Variants in NALCN observed in about 807,000 individuals in gnomAD.
NALCN encodes sodium leak channel, non-selective.
Under a neutral mutation model 225.3 loss-of-function variants are expected in NALCN, and 111 were observed. That is an observed-to-expected ratio of 0.49 (90% CI 0.42 to 0.58). NALCN has a LOEUF of 0.58. NALCN is among the 20% of genes least tolerant of loss of function. The pLI, the probability that NALCN is intolerant of heterozygous loss-of-function variation, is 0.00. For missense variants in NALCN, 1,378 were observed against 2,202.4 expected (o/e 0.63, Z 7.49); for synonymous variants, 764 against 769.0 (o/e 0.99, Z 0.11).
chr13:101,197,174 T>C (rs1594414283), intron 13 of NALCN, among the ~76,000 whole-genome samples: 4 of 152,250 alleles, frequency 2.6e-5, no homozygotes, highest in Admixed American at 6.5e-5. Flanking sequence ...ACTTCACAGA[T>C]TGGGGAATTT....
intron 14 of NALCN, among the ~76,000 whole-genome samples, chr13:101,181,827 T>C (rs1223745242): frequency 6.6e-6 from 1 of 151,990 alleles, no homozygotes; most frequent in Non-Finnish European, 1.5e-5. Context: ...TTTGACAAAA[T>C]GTTATTAGAT....
chr13:101,376,483 C>T (rs1396464424), intron 6 of NALCN, among the ~76,000 whole-genome samples: 1 of 151,776 alleles, frequency 6.6e-6, no homozygotes, highest in Non-Finnish European at 1.5e-5. Flanking sequence ...CGCCACTGCA[C>T]CCCAGCCTCA....
chr13:101,118,439 T>C (rs761610884), intron 18 of NALCN, among the ~76,000 whole-genome samples: 4 of 152,194 alleles, frequency 2.6e-5, no homozygotes, highest in Non-Finnish European at 4.4e-5. Flanking sequence ...TAGAATATAT[T>C]ATTTTTGTTT....
intron 7 of NALCN, among the ~76,000 whole-genome samples, chr13:101,314,017 T>C (rs2044456883): frequency 6.6e-6 from 1 of 151,834 alleles, no homozygotes; most frequent in Admixed American, 6.6e-5. Flanking sequence ...TGTAGGGACA[T>C]GGATGAAGCT....
Position 101,408,886 on chromosome 13 carries a change from A to G in NALCN, c.-40+7427T>C, listed in dbSNP as rs370335976. Among the ~76,000 whole-genome samples, 3 of 152,282 alleles carry G rather than the reference A, an allele frequency of 2.0e-5. No individual in the cohort carries two copies. The East Asian group carries it at 5.8e-4, about 29-fold the overall frequency. On this transcript the variant is annotated intron_variant, in intron 1 of 43. Coordinates refer to ENST00000251127, the MANE Select transcript of NALCN (RefSeq NM_052867.4). ...CAAATGTTTCAAAGAACCATCTCCA[A>G]AAACAGACTCTTCTGTTTTCCTTTT...
At chr13:101,239,476 A>T (rs937112986) in intron 11 of NALCN, among the ~76,000 whole-genome samples, 19 of 151,884 alleles carry the variant, frequency 1.3e-4, no homozygotes, top group Admixed American at 2.6e-4. Context: ...ATTATATATC[A>T]CTCTGCAACT....
intron 1 of NALCN, among the ~76,000 whole-genome samples, chr13:101,402,471 G>C (rs181318583): frequency 0.018 from 2,688 of 152,134 alleles, 39 homozygotes; most frequent in South Asian, 0.045. Context: ...TTCCAGCCCC[G>C]TCTTCACAGT....
At chr13:101,355,580 A>ACTCC (rs1030003631) in intron 6 of NALCN, among the ~76,000 whole-genome samples, 5 of 152,120 alleles carry the variant, frequency 3.3e-5, no homozygotes, top group African/African-American at 1.2e-4. Flanking sequence ...AGAGACTTAG[A>ACTCC]CTCCCACAAA....
At chr13:101,187,068 G>A (rs961610749) in intron 14 of NALCN, among the ~76,000 whole-genome samples, 1 of 152,080 alleles carries the variant, frequency 6.6e-6, no homozygotes, top group Admixed American at 6.6e-5. Flanking sequence ...CTTATCCACT[G>A]TCTCACTTTC....
At chr13:101,400,412 T>C (rs1422324056) in intron 1 of NALCN, among the ~76,000 whole-genome samples, 1 of 152,040 alleles carries the variant, frequency 6.6e-6, no homozygotes, top group Non-Finnish European at 1.5e-5. Flanking sequence ...CAGGAAAACG[T>C]AGCACTGCAG....
intron 14 of NALCN, among the ~76,000 whole-genome samples, chr13:101,179,496 G>A (rs548125211): frequency 6.6e-6 from 1 of 152,260 alleles, no homozygotes; most frequent in African/African-American, 2.4e-5. Flanking sequence ...ACATTATCTT[G>A]CTACATCAGT....
At chr13:101,198,041 G>A (rs1305063479) in intron 13 of NALCN, among the ~76,000 whole-genome samples, 1 of 152,162 alleles carries the variant, frequency 6.6e-6, no homozygotes, top group Admixed American at 6.5e-5. Context: ...TAATTAGAGT[G>A]TATCATCTTC....
intron 1 of NALCN, among the ~76,000 whole-genome samples, 156 bp from the exon 2 acceptor site, chr13:101,399,321 GAT>G (rs1316443731): frequency 2.0e-5 from 3 of 152,174 alleles, no homozygotes; most frequent in African/African-American, 7.2e-5. Flanking sequence ...AAAAGGATGA[GAT>G]AAATTAATAC....
chr13:101,263,136 A>G (rs2042485403), intron 10 of NALCN, among the ~76,000 whole-genome samples: 1 of 152,234 alleles, frequency 6.6e-6, no homozygotes, highest in Admixed American at 6.5e-5. Context: ...TGCCAGTGAC[A>G]TCGGGAAAGT....
chr13:101,116,333 T>A (rs962567228), intron 18 of NALCN: 292 of 235,188 alleles, frequency 1.2e-3, no homozygotes, highest in Non-Finnish European at 1.8e-3. Context: ...TATATATATA[T>A]AATCTTTTAT....
At position 101,111,245 on chromosome 13, in the gene NALCN, C is replaced by T; in HGVS notation, c.2193-19G>A. The T allele has an allele frequency of 6.4e-7, 1 of 1,570,292 alleles. No individual in the cohort carries two copies. The highest frequency in any genetic ancestry group is 8.7e-7 in the Non-Finnish European group (1 of 1,152,366). ...GCAAGCTCTAGGAAAAAAAAAGGAG[C>T]CCAAGATAAATGCATGGTTTGTACA... On this transcript the variant is annotated intron_variant, in intron 18 of 43. Coordinates refer to ENST00000251127, the MANE Select transcript of NALCN (RefSeq NM_052867.4).
At chr13:101,132,735 T>C (rs969872118) in intron 17 of NALCN, among the ~76,000 whole-genome samples, 1 of 152,142 alleles carries the variant, frequency 6.6e-6, no homozygotes, top group Non-Finnish European at 1.5e-5. Context: ...GCAGCTTCAG[T>C]GTTCAAATCT....
chr13:101,181,905 C>A (rs766509227), intron 14 of NALCN, among the ~76,000 whole-genome samples: 1 of 151,888 alleles, frequency 6.6e-6, no homozygotes, highest in Admixed American at 6.6e-5. Flanking sequence ...AGGCCAAGGC[C>A]GGCAGATCAC....
intron 43 of NALCN, among the ~76,000 whole-genome samples, chr13:101,056,549 A>G (rs894768577): frequency 1.3e-5 from 2 of 152,110 alleles, no homozygotes; most frequent in African/African-American, 2.4e-5. Flanking sequence ...GGGGTGAGCC[A>G]CTGCGCCTGG....
Sources: allele counts gnomAD v4.1 joint callset (sites outside exome capture counted in the v4.1 genomes callset), GRCh38; gene constraint gnomAD v4.1.1; transcripts MANE v1.5; gene names NCBI Gene and HGNC (gene_info 2026-07-23, HGNC 2026-07-21).